TSG101: variants seen among roughly 807,000 people sequenced by gnomAD.
TSG101 encodes tumor susceptibility 101, also known as tumor susceptibility gene 101 protein.
A neutral mutation model predicts 48.5 loss-of-function variants in TSG101; 19 were observed. The ratio of observed to expected loss-of-function variants is 0.39; its 90% CI spans 0.27 to 0.58. The LOEUF is 0.58. TSG101 is among the 20% of genes least tolerant of loss of function. The probability of loss-of-function intolerance (pLI) is 0.55; values close to 1 mark genes in which losing one functional copy is unlikely to be tolerated. For missense variants in TSG101, 365 were observed against 484.4 expected (o/e 0.75, Z 2.31); for synonymous variants, 174 against 169.4 (o/e 1.03, Z -0.21).
intron 6 of TSG101, among the ~76,000 whole-genome samples, chr11:18,506,646 C>T (rs539860792): frequency 3.2e-4 from 49 of 151,802 alleles, no homozygotes; most frequent in Non-Finnish European, 4.4e-4. Context: ...GCCGAGATTG[C>T]GCCACTGTAC....
intron 5 of TSG101, among the ~76,000 whole-genome samples, chr11:18,508,229 T>A (rs1850009082): frequency 2.0e-5 from 3 of 151,204 alleles, no homozygotes; most frequent in African/African-American, 7.3e-5. Flanking sequence ...ATCTTTTTTT[T>A]TTTTTTTTTT....
Position 18,519,534 on chromosome 11 carries a change from C to G in TSG101, c.112G>C (p.Val38Leu). The change falls in exon 2 of 10, where the codon GTT becomes CTT. Residue 38 changes from valine to leucine, a missense_variant. Transcript: ENST00000251968. ...ATAAACTCACCATATGAATCCAAAA[C>G]AGGTTTGAGATCTTTGTATAGAGTA... ...VITLYKDLKP[V>L]LDSYVFNDGS... is the part of the protein sequence containing the mutation. The G allele has an allele frequency of 6.2e-7, 1 of 1,611,688 alleles. No homozygotes were observed. Among genetic ancestry groups the G allele is most frequent in the South Asian group, 1.1e-5 (1 of 90,788 alleles).
chr11:18,498,540 G>C (rs1332007995), intron 7 of TSG101, among the ~76,000 whole-genome samples: 2 of 152,184 alleles, frequency 1.3e-5, no homozygotes, highest in African/African-American at 2.4e-5. Flanking sequence ...AAAGAGTATA[G>C]AGTAGGTAAC....
intron 5 of TSG101, chr11:18,508,458 A>G (rs1475766884): frequency 6.6e-6 from 1 of 152,004 alleles, no homozygotes; most frequent in African/African-American, 2.4e-5. Flanking sequence ...CGGCCTCCCA[A>G]AGTGCTGGGG....
rs571786857 is a variant in TSG101 at position 18,523,299 on chromosome 11, G to A, written c.42+3476C>T. Among the ~76,000 whole-genome samples, 4 of 152,106 alleles carry A rather than the reference G, an allele frequency of 2.6e-5. No individual in the cohort carries two copies. In the East Asian group the frequency reaches 7.7e-4, roughly 29 times the overall value. On this transcript the variant is annotated intron_variant, in intron 1 of 9. Coordinates refer to ENST00000251968, the MANE Select transcript of TSG101 (RefSeq NM_006292.4). ...TGACTCATCCCATTTCCACACCCTA[G>A]CATTCCCCATTTCTTCCCTGCTTTA...
At chr11:18,499,592 T>C (rs1055024824) in intron 7 of TSG101, among the ~76,000 whole-genome samples, 1 of 149,604 alleles carries the variant, frequency 6.7e-6, no homozygotes, top group Non-Finnish European at 1.5e-5. Flanking sequence ...TTTGTATTTT[T>C]AGTAGAGACA....
chr11:18,499,664 G>A (rs973965345), intron 7 of TSG101, among the ~76,000 whole-genome samples: 1 of 151,018 alleles, frequency 6.6e-6, no homozygotes, highest in Admixed American at 6.6e-5. Flanking sequence ...GCCCGCCTTG[G>A]CCTCCCAAAG....
chr11:18,503,768 C>T lies in TSG101; in HGVS notation c.549-1191G>A, dbSNP rs1175484498. On this transcript the variant is annotated intron_variant, in intron 6 of 9. Transcript: ENST00000251968. ...TGCTTACTAGTCAGTGTTTCCCTTA[C>T]AACGAAGAAGAAAATTAGAATAGGA... Among the ~76,000 whole-genome samples, 21 of 152,126 alleles carry T rather than the reference C, an allele frequency of 1.4e-4. 1 individual carries two copies. The highest frequency in any genetic ancestry group is 1.2e-3 in the Admixed American group (19 of 15,272).
chr11:18,502,402 A>G, intron 7 of TSG101, 84 bp downstream of exon 7: 1 of 1,140,812 alleles, frequency 8.8e-7, no homozygotes, highest in South Asian at 1.5e-5. Flanking sequence ...GAGTAGTCCA[A>G]AATTCACAAG....
intron 8 of TSG101, among the ~76,000 whole-genome samples, chr11:18,482,395 G>C (rs1849554385): frequency 6.6e-6 from 1 of 152,136 alleles, no homozygotes; most frequent in Non-Finnish European, 1.5e-5. Flanking sequence ...CTACTTCGAG[G>C]CTCATTTTAC....
At chr11:18,520,109 ATTTAC>A (rs998231382) in intron 1 of TSG101, among the ~76,000 whole-genome samples, 28 of 152,286 alleles carry the variant, frequency 1.8e-4, no homozygotes, top group African/African-American at 5.3e-4. Context: ...ACAACCACGA[ATTTAC>A]TTTGTCTCTA....
intron 4 of TSG101, among the ~76,000 whole-genome samples, chr11:18,513,641 A>G (rs1450523275): frequency 1.3e-5 from 2 of 152,226 alleles, no homozygotes; most frequent in East Asian, 3.9e-4. Flanking sequence ...TCTTGGATCT[A>G]AAAGTCCTAG....
intron 7 of TSG101, among the ~76,000 whole-genome samples, chr11:18,488,986 G>A (rs1225863388): frequency 3.3e-5 from 5 of 151,864 alleles, no homozygotes; most frequent in South Asian, 2.1e-4. Flanking sequence ...GTGGTGGTGC[G>A]TGCCTGTAGT....
intron 2 of TSG101, among the ~76,000 whole-genome samples, chr11:18,519,126 C>A (rs1850227098): frequency 6.6e-6 from 1 of 152,084 alleles, no homozygotes; most frequent in Non-Finnish European, 1.5e-5. Context: ...AATCCTTCCA[C>A]CTCAGCCTCC....
chr11:18,497,533 G>A (rs1477110518), intron 7 of TSG101, among the ~76,000 whole-genome samples: 1 of 150,884 alleles, frequency 6.6e-6, no homozygotes, highest in Non-Finnish European at 1.5e-5. Context: ...TTGGATATAT[G>A]GAAATCATCT....
At chr11:18,500,672 G>C (rs768889703) in intron 7 of TSG101, among the ~76,000 whole-genome samples, 1 of 151,914 alleles carries the variant, frequency 6.6e-6, no homozygotes, top group Non-Finnish European at 1.5e-5. Context: ...ACTTTTTAAT[G>C]GTTTGTTTTA....
At chr11:18,507,409 T>C (rs549427750) in intron 5 of TSG101, among the ~76,000 whole-genome samples, 16 of 152,304 alleles carry the variant, frequency 1.1e-4, no homozygotes, top group Non-Finnish European at 4.4e-5. Context: ...AAAACTTACA[T>C]TATCCAGACT....
rs2292178 is a variant in TSG101 at position 18,526,904 on chromosome 11, C to G, written c.-88G>C. The G allele has an allele frequency of 5.4e-5, 77 of 1,438,742 alleles. No homozygotes were observed. The East Asian group carries it at 6.7e-4, about 12-fold the overall frequency. 89.1% of individuals were successfully genotyped at this position (1,438,742 alleles called of 1,614,324 possible). On this transcript the variant is annotated 5_prime_UTR_variant, in exon 1 of 10. Coordinates refer to ENST00000251968, the MANE Select transcript of TSG101 (RefSeq NM_006292.4). ...GACCGTCCCACACAATCGCACACCCCCAACCCGGCCTCAAACAACAGGAAG... is the reference window on the plus strand; with the variant it reads ...GACCGTCCCACACAATCGCACACCCGCAACCCGGCCTCAAACAACAGGAAG...
At chr11:18,490,966 G>C (rs987677664) in intron 7 of TSG101, 2 of 279,358 alleles carry the variant, frequency 7.2e-6, no homozygotes, top group African/African-American at 4.5e-5. Context: ...CGTTCCCGTG[G>C]GAGGGCTGCA....
Sources: allele counts gnomAD v4.1 joint callset (sites outside exome capture counted in the v4.1 genomes callset), GRCh38; gene constraint gnomAD v4.1.1; transcripts MANE v1.5; gene names NCBI Gene and HGNC (gene_info 2026-07-23, HGNC 2026-07-21).